NFKB1: variants seen among roughly 807,000 people sequenced by gnomAD.
The protein encoded by NFKB1 is nuclear factor kappa B subunit 1.
In NFKB1, 9 loss-of-function variants were observed where a neutral mutation model predicts 105.1. That is an observed-to-expected ratio of 0.09 (90% CI 0.05 to 0.15). The LOEUF is 0.15. NFKB1 is among the 10% of genes least tolerant of loss of function. The pLI, the probability that NFKB1 is intolerant of heterozygous loss-of-function variation, is 1.00. For missense variants in NFKB1, 830 were observed against 1,203.7 expected (o/e 0.69, Z 4.59); for synonymous variants, 440 against 442.2 (o/e 1.00, Z 0.06).
chr4:102,614,571 CTGCT>C (rs1728757100), intron 23 of NFKB1, among the ~76,000 whole-genome samples: 1 of 152,192 alleles, frequency 6.6e-6, no homozygotes, highest in African/African-American at 2.4e-5. Context: ...CTTCCACCCT[CTGCT>C]TGGCCTCCTG....
chr4:102,532,776 A>G (rs1477974892), intron 3 of NFKB1, among the ~76,000 whole-genome samples: 1 of 152,244 alleles, frequency 6.6e-6, no homozygotes, highest in Non-Finnish European at 1.5e-5. Context: ...TAAAATGGAC[A>G]TACAAGCATT....
At chr4:102,585,665 C>T (rs549252221) in intron 11 of NFKB1, among the ~76,000 whole-genome samples, 1 of 152,014 alleles carries the variant, frequency 6.6e-6, no homozygotes, top group Admixed American at 6.6e-5. Context: ...TAATAAGTAC[C>T]GAAAGTGAAG....
intron 15 of NFKB1, among the ~76,000 whole-genome samples, chr4:102,599,657 G>A (rs183785435): frequency 6.9e-4 from 105 of 152,284 alleles, no homozygotes; most frequent in African/African-American, 2.3e-3. Flanking sequence ...AGTAAGACAG[G>A]CCTGGGCTTG....
intron 1 of NFKB1, 132 bp from the exon 2 acceptor site, chr4:102,525,380 G>C: frequency 2.7e-6 from 2 of 729,522 alleles, no homozygotes; most frequent in South Asian, 4.1e-5. Context: ...CTCCTCCTAT[G>C]GTCTTCAAAA....
chr4:102,520,238 G>C (rs1311175876), intron 1 of NFKB1, among the ~76,000 whole-genome samples: 2 of 152,222 alleles, frequency 1.3e-5, no homozygotes, highest in Non-Finnish European at 2.9e-5. Flanking sequence ...GTACCCATAA[G>C]TGTAGAATGG....
At chr4:102,566,881 A>G in intron 5 of NFKB1, 106 bp from the exon 6 acceptor site, 2 of 1,148,182 alleles carry the variant, frequency 1.7e-6, no homozygotes. Context: ...TACATATATG[A>G]ATAACTTTAT....
chr4:102,573,590 G>T (rs958073741), intron 6 of NFKB1, among the ~76,000 whole-genome samples: 1 of 151,930 alleles, frequency 6.6e-6, no homozygotes, highest in Middle Eastern at 3.4e-3. Flanking sequence ...TATTTAGTAC[G>T]TTTTAAAACT....
At chr4:102,602,122 A>G (rs1320096475) in intron 16 of NFKB1, among the ~76,000 whole-genome samples, 3 of 152,112 alleles carry the variant, frequency 2.0e-5, no homozygotes, top group Non-Finnish European at 2.9e-5. Flanking sequence ...AATCATTTCT[A>G]TTTCCTCACT....
At chr4:102,522,201 T>G (rs957100667) in intron 1 of NFKB1, among the ~76,000 whole-genome samples, 9 of 152,226 alleles carry the variant, frequency 5.9e-5, no homozygotes, top group African/African-American at 1.9e-4. Context: ...AACCTGCTTT[T>G]ATAATTAATG....
At chr4:102,610,515 A>G (rs991911643) in intron 19 of NFKB1, 60 bp from the exon 20 acceptor site, 1 of 1,574,146 alleles carries the variant, frequency 6.4e-7, no homozygotes, top group African/African-American at 1.3e-5. Context: ...TGACCTTTGC[A>G]GGCAGTTGGA....
At chr4:102,604,287 ATTT>A (rs1039139013) in intron 16 of NFKB1, among the ~76,000 whole-genome samples, 12 of 152,160 alleles carry the variant, frequency 7.9e-5, no homozygotes, top group Non-Finnish European at 1.2e-4. Context: ...AACCTTTAAA[ATTT>A]TTTTAATTTA....
chr4:102,575,841 G>A (rs909331), intron 6 of NFKB1, among the ~76,000 whole-genome samples: 8,607 of 152,014 alleles, frequency 0.057, 274 homozygotes, highest in African/African-American at 0.089. Context: ...TTACTTCTTT[G>A]TTTCTTCTCC....
chr4:102,533,156 C>T (rs1421964811), intron 3 of NFKB1, among the ~76,000 whole-genome samples: 2 of 152,056 alleles, frequency 1.3e-5, no homozygotes, highest in East Asian at 3.9e-4. Context: ...TGCTTATAAA[C>T]ATCAAAAGTT....
intron 11 of NFKB1, among the ~76,000 whole-genome samples, chr4:102,589,457 A>C (rs1441881500): frequency 6.6e-6 from 1 of 152,112 alleles, no homozygotes; most frequent in Non-Finnish European, 1.5e-5. Context: ...ATTTTTCTCA[A>C]AATTTGGCAA....
At position 102,603,142 on chromosome 4, in the gene NFKB1, G is replaced by A. The variant is rs569229081; in HGVS notation, c.1752+2133G>A. On this transcript the variant is annotated intron_variant, in intron 16 of 23. Coordinates refer to ENST00000226574, the MANE Select transcript of NFKB1 (RefSeq NM_003998.4). ...GACTGGAATGCAGTGGCGCGATCTC[G>A]GCTCACTGCAACCTCCACCTCCCAG... Among the ~76,000 whole-genome samples the A allele has an allele frequency of 2.5e-3, 383 of 152,120 alleles. 2 individuals carry two copies. The highest frequency in any genetic ancestry group is 8.5e-3 in the African/African-American group (354 of 41,502).
chr4:102,518,512 C>T (rs946200252), intron 1 of NFKB1, among the ~76,000 whole-genome samples: 1 of 152,150 alleles, frequency 6.6e-6, no homozygotes, highest in Non-Finnish European at 1.5e-5. Flanking sequence ...TCCCATGACA[C>T]ATATTATATT....
chr4:102,607,793 A>G (rs1218339168), intron 19 of NFKB1, 42 bp downstream of exon 19: 2 of 1,579,256 alleles, frequency 1.3e-6, no homozygotes, highest in Non-Finnish European at 1.7e-6. Flanking sequence ...AAATGTTACC[A>G]GGAATGCAAA....
In NFKB1 at chr4:102,577,045, C is replaced by T; in HGVS notation, c.571+6C>T. On this transcript the variant is annotated splice_donor_region_variant and intron_variant, in intron 7 of 23. Transcript: ENST00000226574. ...AGGGGACCGGCAGCTGGGAGGTAAGCATCATTTTCCTGGCCTTGATCCTCC... is the reference window on the plus strand; with the variant it reads ...AGGGGACCGGCAGCTGGGAGGTAAGTATCATTTTCCTGGCCTTGATCCTCC... 2 of 1,606,544 alleles carry T rather than the reference C, an allele frequency of 1.2e-6. No homozygotes were observed. Among genetic ancestry groups the T allele is most frequent in the Non-Finnish European group, 1.7e-6 (2 of 1,177,652 alleles).
Position 102,606,703 on chromosome 4 carries a change from A to T in NFKB1, c.1954+6A>T. The T allele has an allele frequency of 2.5e-6, 4 of 1,612,260 alleles. No individual in the cohort carries two copies. Among genetic ancestry groups the T allele is most frequent in the Non-Finnish European group, 3.4e-6 (4 of 1,178,718 alleles). Reference sequence around the variant, plus strand: ...TGACCACCCCAACGGGGACGGTAAGAGACAATCACACATCATTGGTGTAAC... The same window carrying T: ...TGACCACCCCAACGGGGACGGTAAGTGACAATCACACATCATTGGTGTAAC... On this transcript the variant is annotated splice_donor_region_variant and intron_variant, in intron 17 of 23. Transcript: ENST00000226574.
Sources: allele counts gnomAD v4.1 joint callset (sites outside exome capture counted in the v4.1 genomes callset), GRCh38; gene constraint gnomAD v4.1.1; transcripts MANE v1.5; gene names NCBI Gene and HGNC (gene_info 2026-07-23, HGNC 2026-07-21).